Variants in DPP8 observed in about 807,000 individuals in gnomAD.
DPP8 encodes DPP VIII.
A neutral mutation model predicts 107.5 loss-of-function variants in DPP8; 31 were observed. The ratio of observed to expected loss-of-function variants is 0.29; its 90% CI spans 0.22 to 0.39. The LOEUF (loss-of-function observed/expected upper bound fraction) is 0.39. DPP8 is among the 10% of genes least tolerant of loss of function. The pLI is 1.00. For synonymous variants in DPP8, 381 were observed against 356.6 expected, an observed-to-expected ratio of 1.07 and a Z score of -0.77; for missense variants, 842 against 1,076.1, an observed-to-expected ratio of 0.78 and a Z score of 3.04.
chr15:65,492,425 GGTAA>G (rs1024919735), intron 5 of DPP8, among the ~76,000 whole-genome samples: 8 of 152,060 alleles, frequency 5.3e-5, no homozygotes, highest in Admixed American at 3.3e-4. Context: ...TGGTTAGTGT[GGTAA>G]GTGTGTGTTT....
chr15:65,491,870 C>CT (rs1342810284), intron 5 of DPP8, among the ~76,000 whole-genome samples: 1 of 152,106 alleles, frequency 6.6e-6, no homozygotes, highest in Non-Finnish European at 1.5e-5. Context: ...GTAGCTGGGA[C>CT]TACAGGTGCC....
At chr15:65,483,320 T>C in intron 8 of DPP8, among the ~76,000 whole-genome samples, 1 of 151,624 alleles carries the variant, frequency 6.6e-6, no homozygotes, top group East Asian at 1.9e-4. Flanking sequence ...GGCCCAGGAG[T>C]GCAAGACCAG....
intron 5 of DPP8, among the ~76,000 whole-genome samples, chr15:65,492,585 T>C (rs1043911575): frequency 2.0e-5 from 3 of 152,112 alleles, no homozygotes; most frequent in African/African-American, 7.2e-5. Context: ...ACATATCTCA[T>C]AGTGACTTTA....
intron 5 of DPP8, among the ~76,000 whole-genome samples, chr15:65,495,637 G>C (rs1003720781): frequency 6.8e-6 from 1 of 147,180 alleles, no homozygotes; most frequent in Admixed American, 6.8e-5. Context: ...ACGGTGGCTC[G>C]TGCCTGTAAT....
chr15:65,498,443 CAA>C (rs1465289566), intron 4 of DPP8, among the ~76,000 whole-genome samples: 1 of 149,936 alleles, frequency 6.7e-6, no homozygotes, highest in Non-Finnish European at 1.5e-5. Flanking sequence ...AAAAAGTCAA[CAA>C]TGATAATTGC....
chr15:65,484,723 T>C (rs1390126062), intron 8 of DPP8, among the ~76,000 whole-genome samples: 1 of 151,416 alleles, frequency 6.6e-6, no homozygotes, highest in African/African-American at 2.4e-5. Flanking sequence ...ATGCAGCTTA[T>C]AAGCACTTGG....
intron 11 of DPP8, chr15:65,475,667 A>G: frequency 1.5e-6 from 1 of 668,524 alleles, no homozygotes; most frequent in Non-Finnish European, 2.6e-6. Flanking sequence ...CTCACAAAAG[A>G]AAATGTTTAA....
In DPP8 at chr15:65,443,231, G is replaced by A. The variant is rs1567108384; in HGVS notation, c.*3653C>T. ...TTTCTATATATCATTTAACTACCAT[G>A]AGGCAGGACACCTGGCTGGAGTCCA... is the stretch of plus-strand genomic sequence containing the variant. On this transcript the variant is annotated 3_prime_UTR_variant, in exon 20 of 20. Coordinates refer to ENST00000300141, the MANE Select transcript of DPP8 (RefSeq NM_130434.5). The A allele has an allele frequency of 6.6e-6, 1 of 151,990 alleles. No individual in the cohort carries two copies. Among genetic ancestry groups the A allele is most frequent in the Non-Finnish European group, 1.5e-5 (1 of 68,022 alleles). 9.4% of individuals were successfully genotyped at this position (151,990 alleles called of 1,614,324 possible).
At chr15:65,500,537 C>A in intron 4 of DPP8, 69 bp downstream of exon 4, 1 of 1,269,868 alleles carries the variant, frequency 7.9e-7, no homozygotes, top group Non-Finnish European at 1.1e-6. Flanking sequence ...TATTAATTAC[C>A]TTTCTGCTTT....
chr15:65,485,242 TTAGTTAAGA>T, intron 7 of DPP8, 82 bp from the exon 8 acceptor site: 1 of 1,083,504 alleles, frequency 9.2e-7, no homozygotes, highest in Non-Finnish European at 1.4e-6. Context: ...TCTTTACACT[TTAGTTAAGA>T]ATAACGTATA....
At chr15:65,474,511 C>T (rs1278566278) in intron 11 of DPP8, among the ~76,000 whole-genome samples, 4 of 152,176 alleles carry the variant, frequency 2.6e-5, no homozygotes, top group Non-Finnish European at 5.9e-5. Context: ...TAGACAGTCT[C>T]GCTCTGTTGC....
chr15:65,512,336 T>C lies in DPP8; in HGVS notation c.218A>G (p.Asn73Ser), dbSNP rs772216281. The part of the protein sequence containing the change: ...APHDFMFVKR[N>S]DPDGPHSDRI... ...GTCTGAATGAGGTCCATCTGGATCATTCCTCTTCACAAACATGAAATCATG... is the reference window on the plus strand; with the variant it reads ...GTCTGAATGAGGTCCATCTGGATCACTCCTCTTCACAAACATGAAATCATG... Residue 73 changes from asparagine to serine, a missense_variant, in exon 2 of 20, where the codon AAT becomes AGT. Physicochemically the swap from Asn to Ser is conservative, Grantham distance 46. Transcript: ENST00000300141. 28 of 1,613,924 alleles carry C rather than the reference T, an allele frequency of 1.7e-5. No individual in the cohort carries two copies. Among genetic ancestry groups the C allele is most frequent in the Non-Finnish European group, 2.4e-5 (28 of 1,180,004 alleles).
At chr15:65,499,879 T>C (rs942053267) in intron 4 of DPP8, among the ~76,000 whole-genome samples, 2 of 152,198 alleles carry the variant, frequency 1.3e-5, no homozygotes, top group Non-Finnish European at 2.9e-5. Flanking sequence ...AAATGGTATC[T>C]TAATGTAACT....
chr15:65,498,024 A>T lies in DPP8; in HGVS notation c.555T>A (p.Pro185=), dbSNP rs1567260793. ...DGGPQGFTQQ[P]LRPNLVETSC... ...TAGTTTCCACTAGATTGGGCCTTAA[A>T]GGTTGTTGCTAGAAAAGTAAACAAC... is the stretch of plus-strand genomic sequence containing the variant. Residue 185 remains proline, a synonymous_variant, in exon 5 of 20, where the codon CCT becomes CCA. Transcript: ENST00000300141. 4 of 1,591,654 alleles carry T rather than the reference A, an allele frequency of 2.5e-6. No individual in the cohort carries two copies. The highest frequency in any genetic ancestry group is 3.4e-6 in the Non-Finnish European group (4 of 1,166,728).
chr15:65,480,693 G>C (rs2066843559), intron 9 of DPP8, among the ~76,000 whole-genome samples: 1 of 152,174 alleles, frequency 6.6e-6, no homozygotes, highest in Non-Finnish European at 1.5e-5. Context: ...AGCACTTTGG[G>C]AGGTCAAGGT....
chr15:65,452,406 GA>G (rs887919805), intron 17 of DPP8, among the ~76,000 whole-genome samples: 2 of 151,156 alleles, frequency 1.3e-5, no homozygotes, highest in Non-Finnish European at 2.9e-5. Context: ...TGCTACTGAG[GA>G]AAAAACGTGT....
chr15:65,500,991 C>A (rs2069171663), intron 3 of DPP8, among the ~76,000 whole-genome samples: 4 of 151,164 alleles, frequency 2.6e-5, no homozygotes, highest in African/African-American at 9.8e-5. Context: ...CATTCTCCTG[C>A]CTCAGCCTTC....
intron 3 of DPP8, among the ~76,000 whole-genome samples, chr15:65,502,034 C>T (rs926498325): frequency 1.3e-5 from 2 of 152,132 alleles, no homozygotes; most frequent in African/African-American, 4.8e-5. Context: ...GGATTACACA[C>T]TTGTGCCACC....
rs542879302 is a variant in DPP8 at position 65,466,977 on chromosome 15, C to T, written c.1689+94G>A. 2.7e-4 allele frequency: 409 copies of T among 1,510,946 alleles called. 2 individuals are homozygous for T. Among genetic ancestry groups the T allele is most frequent in the Admixed American group, 5.4e-4 (27 of 49,934 alleles). 93.6% of individuals were successfully genotyped at this position (1,510,946 alleles called of 1,614,324 possible). A position where few individuals can be genotyped will look rare whatever the true frequency, so the allele number is the denominator to read the frequency against. ...TAAAGCTTTTCCTTAGAGAATTAGG[C>T]TTTTGCAGGCCAATTTCACATCATT... On this transcript the variant is annotated intron_variant, in intron 13 of 19. Coordinates refer to ENST00000300141, the MANE Select transcript of DPP8 (RefSeq NM_130434.5).
Sources: allele counts gnomAD v4.1 joint callset (sites outside exome capture counted in the v4.1 genomes callset), GRCh38; gene constraint gnomAD v4.1.1; transcripts MANE v1.5; gene names NCBI Gene and HGNC (gene_info 2026-07-23, HGNC 2026-07-21).